Variants in RBFOX2 observed in about 807,000 individuals in gnomAD.
RBFOX2 encodes RNA binding protein fox-1 homolog 2.
RBFOX2 carries 10 observed loss-of-function variants against 49.1 expected under a neutral mutation model. The ratio of observed to expected loss-of-function variants is 0.20; its 90% CI spans 0.13 to 0.35. RBFOX2 has a LOEUF of 0.35. RBFOX2 is among the 10% of genes least tolerant of loss of function. The probability of loss-of-function intolerance (pLI) is 1.00; values close to 1 mark genes in which losing one functional copy is unlikely to be tolerated. For synonymous variants in RBFOX2, 183 were observed against 187.4 expected, an observed-to-expected ratio of 0.98 and a Z score of 0.19; for missense variants, 323 against 486.9, an observed-to-expected ratio of 0.66 and a Z score of 3.17.
At chr22:35,953,318 A>G (rs2055170203) in intron 1 of RBFOX2, among the ~76,000 whole-genome samples, 1 of 152,118 alleles carries the variant, frequency 6.6e-6, no homozygotes, top group African/African-American at 2.4e-5. Flanking sequence ...AATATCATTC[A>G]GTTATAAAAA....
At chr22:35,843,199 C>T (rs1372408084), upstream of RBFOX2, among the ~76,000 whole-genome samples, 1 of 152,016 alleles carries the variant, frequency 6.6e-6, no homozygotes, top group Non-Finnish European at 1.5e-5. Context: ...GGTAATGTAC[C>T]AAGGAGAAAA....
At chr22:35,996,722 G>C (rs1461668416) in intron 1 of RBFOX2, 1 of 152,160 alleles carries the variant, frequency 6.6e-6, no homozygotes, top group Non-Finnish European at 1.5e-5. Flanking sequence ...GAAATATGAG[G>C]CTGCTGAGAT....
intron 1 of RBFOX2, among the ~76,000 whole-genome samples, chr22:35,981,068 A>G (rs2057433804): frequency 6.6e-6 from 1 of 152,212 alleles, no homozygotes. Context: ...AGCCTTTGAA[A>G]GGCTTTTAGT....
intron 1 of RBFOX2, among the ~76,000 whole-genome samples, chr22:35,886,559 C>T (rs1310907132): frequency 6.6e-6 from 1 of 152,180 alleles, no homozygotes; most frequent in Non-Finnish European, 1.5e-5. Flanking sequence ...CTCGGCTATA[C>T]GGTATGTACG....
intron 1 of RBFOX2, chr22:35,897,727 A>G (rs2048036839): frequency 5.9e-6 from 5 of 841,246 alleles, no homozygotes; most frequent in Non-Finnish European, 1.0e-5. Flanking sequence ...AACAAGGGGT[A>G]TAGCACCAAA....
At chr22:35,970,281 A>G (rs1281697323) in intron 1 of RBFOX2, among the ~76,000 whole-genome samples, 2 of 152,162 alleles carry the variant, frequency 1.3e-5, no homozygotes, top group Admixed American at 6.5e-5. Context: ...TCCAAACTCT[A>G]TCTCCCAGAC....
At position 35,908,702 on chromosome 22, in the gene RBFOX2, TACC is replaced by T. The variant is rs1380427940; in HGVS notation, c.-34+30142_-34+30144del. The stretch of plus-strand genomic sequence containing the variant: ...TATATACTATTGTTATCATTACAAT[TACC>T]ACCACAATAGCCAATTGGTAAATAT... On this transcript the variant is annotated intron_variant, in intron 1 of 13. Coordinates refer to the RBFOX2 transcript ENST00000359369. 3.9e-5 allele frequency among the ~76,000 whole-genome samples: 6 copies of T among 152,278 alleles called. No individual in the cohort carries two copies. In the East Asian group the frequency reaches 9.6e-4, roughly 24 times the overall value.
At chr22:35,825,978 C>T (rs1955602407) in intron 1 of RBFOX2, among the ~76,000 whole-genome samples, 2 of 89,166 alleles carry the variant, frequency 2.2e-5, no homozygotes, top group Admixed American at 1.5e-4. Flanking sequence ...TGAGACTCCG[C>T]TTCAAAAAAA....
At chr22:35,856,746 C>T (rs1236810123) in intron 1 of RBFOX2, among the ~76,000 whole-genome samples, 2 of 151,826 alleles carry the variant, frequency 1.3e-5, no homozygotes, top group African/African-American at 2.4e-5. Context: ...AAATATGCAA[C>T]ACTGGGCCAG....
chr22:35,821,267 G>A (rs1030400720), intron 1 of RBFOX2, among the ~76,000 whole-genome samples: 2 of 151,918 alleles, frequency 1.3e-5, no homozygotes, highest in African/African-American at 2.4e-5. Context: ...ACATGCACAT[G>A]ATAGCAAATC....
chr22:35,768,048 CCAAA>C (rs1056370841), intron 5 of RBFOX2, among the ~76,000 whole-genome samples: 13 of 151,670 alleles, frequency 8.6e-5, no homozygotes, highest in African/African-American at 2.7e-4. Context: ...ATTAAAACCC[CCAAA>C]CAACCAATAA....
At chr22:35,917,514 C>T (rs935627693) in intron 1 of RBFOX2, among the ~76,000 whole-genome samples, 2 of 152,176 alleles carry the variant, frequency 1.3e-5, no homozygotes, top group Admixed American at 6.5e-5. Context: ...GAGTTGACAA[C>T]CATGATCAAA....
chr22:35,943,482 A>G (rs997821277), upstream of RBFOX2, among the ~76,000 whole-genome samples: 1 of 152,222 alleles, frequency 6.6e-6, no homozygotes. Context: ...TACATAAGAA[A>G]TAAAATACCA....
chr22:36,006,106 T>C (rs2058607839), intron 1 of RBFOX2, among the ~76,000 whole-genome samples: 1 of 152,194 alleles, frequency 6.6e-6, no homozygotes, highest in Non-Finnish European at 1.5e-5. Context: ...GGTATGTGAA[T>C]AAAATATCAC....
intron 1 of RBFOX2, among the ~76,000 whole-genome samples, chr22:35,855,081 A>G (rs533213993): frequency 1.3e-5 from 2 of 152,324 alleles, no homozygotes; most frequent in Admixed American, 1.3e-4. Context: ...TTTTAAAAAT[A>G]GAAACAAAAA....
chr22:35,908,812 T>C (rs1209752152), intron 1 of RBFOX2, among the ~76,000 whole-genome samples: 1 of 151,754 alleles, frequency 6.6e-6, no homozygotes, highest in East Asian at 1.9e-4. Context: ...TTCAGTGAAC[T>C]TGCCAAGCCT....
At chr22:35,841,408 G>A (rs538187876), upstream of RBFOX2, among the ~76,000 whole-genome samples, 6 of 152,184 alleles carry the variant, frequency 3.9e-5, no homozygotes, top group African/African-American at 1.4e-4. Flanking sequence ...TCAAAGATGT[G>A]GTTCAGTCCA....
intron 1 of RBFOX2, among the ~76,000 whole-genome samples, chr22:35,967,939 A>C (rs1245085913): frequency 6.6e-6 from 1 of 152,246 alleles, no homozygotes; most frequent in African/African-American, 2.4e-5. Flanking sequence ...CAGAATAAAA[A>C]AAATCTAGGT....
At position 35,890,824 on chromosome 22, in the gene RBFOX2, AG is replaced by A. The variant is rs1292533006; in HGVS notation, c.-34+48022del. On this transcript the variant is annotated intron_variant, in intron 1 of 13. Coordinates refer to the RBFOX2 transcript ENST00000359369. ...AAATAAAATGAAACAAAAAAAAATC[AG>A]GTTCTCCCAAAAGAAGCTAGCATAA... is the stretch of plus-strand genomic sequence containing the variant. 5.3e-5 allele frequency among the ~76,000 whole-genome samples: 8 copies of A among 152,262 alleles called. No homozygotes were observed. The East Asian group carries it at 1.5e-3, about 29-fold the overall frequency.
Sources: allele counts gnomAD v4.1 joint callset (sites outside exome capture counted in the v4.1 genomes callset), GRCh38; gene constraint gnomAD v4.1.1; transcripts MANE v1.5; gene names NCBI Gene and HGNC (gene_info 2026-07-23, HGNC 2026-07-21).